ZMIZ1: variants seen among roughly 807,000 people sequenced by gnomAD.
ZMIZ1 encodes zinc finger MIZ-type containing 1.
In ZMIZ1, 17 loss-of-function variants were observed where a neutral mutation model predicts 113.9. The observed-to-expected ratio is 0.15, with a 90% CI of 0.10 to 0.22. The LOEUF (loss-of-function observed/expected upper bound fraction) is 0.22. ZMIZ1 is among the 10% of genes least tolerant of loss of function. ZMIZ1 has a pLI of 1.00. For synonymous variants in ZMIZ1, 607 were observed against 603.1 expected, an observed-to-expected ratio of 1.01 and a Z score of -0.09; for missense variants, 1,059 against 1,477.8, an observed-to-expected ratio of 0.72 and a Z score of 4.65.
chr10:79,222,835 T>C (rs1046159884), intron 7 of ZMIZ1, among the ~76,000 whole-genome samples: 1 of 151,944 alleles, frequency 6.6e-6, no homozygotes, highest in Non-Finnish European at 1.5e-5. Context: ...CCCTGGAGAG[T>C]GCTCCAGCCT....
intron 2 of ZMIZ1, among the ~76,000 whole-genome samples, chr10:79,130,851 A>C (rs923818935): frequency 6.6e-6 from 1 of 152,220 alleles, no homozygotes; most frequent in Non-Finnish European, 1.5e-5. Flanking sequence ...GTGAGCTCCC[A>C]TCAGTCATCA....
chr10:79,303,986 C>T (rs779707790), intron 18 of ZMIZ1, 29 bp from the exon 19 acceptor site: 1 of 1,612,920 alleles, frequency 6.2e-7, no homozygotes, highest in Admixed American at 1.7e-5. Context: ...TCTTGCCATC[C>T]TCACCTGTCT....
chr10:79,109,716 G>T (rs1843672248), intron 1 of ZMIZ1, among the ~76,000 whole-genome samples: 1 of 152,206 alleles, frequency 6.6e-6, no homozygotes, highest in Non-Finnish European at 1.5e-5. Context: ...AGGCAGCCAG[G>T]TGCACAAACC....
intron 4 of ZMIZ1, among the ~76,000 whole-genome samples, chr10:79,182,797 C>T (rs543202718): frequency 5.9e-5 from 9 of 152,356 alleles, no homozygotes; most frequent in African/African-American, 2.2e-4. Context: ...CCAGGGTCTC[C>T]ATGGCGATTA....
At chr10:79,097,115 G>A (rs1292164506) in intron 1 of ZMIZ1, among the ~76,000 whole-genome samples, 2 of 152,256 alleles carry the variant, frequency 1.3e-5, no homozygotes, top group Admixed American at 1.3e-4. Context: ...CGGGTCGCCA[G>A]CAGTGCTGCC....
chr10:79,226,809 C>T (rs781127770), intron 7 of ZMIZ1, among the ~76,000 whole-genome samples: 3 of 152,120 alleles, frequency 2.0e-5, no homozygotes, highest in Admixed American at 6.5e-5. Context: ...AATGATGGTA[C>T]GGTTATCATC....
intron 7 of ZMIZ1, among the ~76,000 whole-genome samples, chr10:79,243,104 T>C (rs897259964): frequency 2.0e-5 from 3 of 150,558 alleles, no homozygotes; most frequent in African/African-American, 7.3e-5. Context: ...CCCGCGCTCC[T>C]CCTCCTCCTC....
At chr10:79,075,585 A>T (rs72816223) in intron 1 of ZMIZ1, among the ~76,000 whole-genome samples, 1 of 41,328 alleles carries the variant, frequency 2.4e-5, no homozygotes, top group Non-Finnish European at 5.6e-5. Flanking sequence ...ACATGCACAC[A>T]TGCACACCTG....
intron 9 of ZMIZ1, among the ~76,000 whole-genome samples, chr10:79,290,191 G>C (rs1242881905): frequency 6.6e-6 from 1 of 152,214 alleles, no homozygotes; most frequent in Non-Finnish European, 1.5e-5. Flanking sequence ...AACTTCCTCT[G>C]TGTTACTGGC....
At chr10:79,225,015 A>T (rs1047234269) in intron 7 of ZMIZ1, among the ~76,000 whole-genome samples, 1 of 152,172 alleles carries the variant, frequency 6.6e-6, no homozygotes, top group Non-Finnish European at 1.5e-5. Context: ...AGGAGGAGGC[A>T]TTTCTCCACC....
intron 4 of ZMIZ1, among the ~76,000 whole-genome samples, chr10:79,165,223 G>A (rs181887570): frequency 1.8e-4 from 27 of 152,290 alleles, no homozygotes; most frequent in African/African-American, 5.5e-4. Flanking sequence ...GGCAGCAGAT[G>A]GGGAGTGTGT....
At chr10:79,235,374 C>T (rs546220310) in intron 7 of ZMIZ1, among the ~76,000 whole-genome samples, 2 of 152,308 alleles carry the variant, frequency 1.3e-5, no homozygotes, top group South Asian at 4.1e-4. Flanking sequence ...CCTAAAACCG[C>T]GCAATTGCTG....
intron 1 of ZMIZ1, among the ~76,000 whole-genome samples, chr10:79,115,273 G>C (rs553747466): frequency 6.6e-6 from 1 of 152,208 alleles, no homozygotes; most frequent in African/African-American, 2.4e-5. Context: ...AGCTGCCCTT[G>C]TGGGCTTGGA....
intron 7 of ZMIZ1, chr10:79,243,808 G>C (rs1210496609): frequency 5.5e-6 from 1 of 180,522 alleles, no homozygotes; most frequent in Non-Finnish European, 1.2e-5. Context: ...CTCCGGGCGC[G>C]GGGGTGAGTG....
At chr10:79,259,009 G>A (rs948494392) in intron 7 of ZMIZ1, among the ~76,000 whole-genome samples, 3 of 152,272 alleles carry the variant, frequency 2.0e-5, no homozygotes, top group African/African-American at 2.4e-5. Context: ...TGTGTGTGAC[G>A]GTCTAATTTG....
At chr10:79,230,958 A>C (rs1849371572) in intron 7 of ZMIZ1, among the ~76,000 whole-genome samples, 1 of 152,128 alleles carries the variant, frequency 6.6e-6, no homozygotes, top group South Asian at 2.1e-4. Context: ...CAGGGTGTGG[A>C]CCCCTCCTCC....
At chr10:79,101,472 A>G (rs564543875) in intron 1 of ZMIZ1, among the ~76,000 whole-genome samples, 2 of 152,318 alleles carry the variant, frequency 1.3e-5, no homozygotes, top group African/African-American at 4.8e-5. Context: ...CAAGTCAGCC[A>G]GGCTTTCTTC....
At chr10:79,194,377 A>T (rs1847746951) in intron 4 of ZMIZ1, among the ~76,000 whole-genome samples, 1 of 152,228 alleles carries the variant, frequency 6.6e-6, no homozygotes, top group Admixed American at 6.5e-5. Flanking sequence ...ATGTGGACTG[A>T]TGAACTAGTG....
chr10:79,127,206 G>C (rs955901563), intron 2 of ZMIZ1, among the ~76,000 whole-genome samples: 2 of 152,188 alleles, frequency 1.3e-5, no homozygotes, highest in African/African-American at 4.8e-5. Context: ...CAGGCATGCT[G>C]CCGGCGCTCT....
Sources: allele counts gnomAD v4.1 joint callset (sites outside exome capture counted in the v4.1 genomes callset), GRCh38; gene constraint gnomAD v4.1.1; transcripts MANE v1.5; gene names NCBI Gene and HGNC (gene_info 2026-07-23, HGNC 2026-07-21).